Variants in CTNNA3 observed in about 807,000 individuals in gnomAD.
The protein encoded by CTNNA3 is catenin alpha 3, also known as catenin alpha-3.
A neutral mutation model predicts 95.7 loss-of-function variants in CTNNA3; 76 were observed. The ratio of observed to expected loss-of-function variants is 0.79; its 90% CI spans 0.66 to 0.96. The LOEUF is 0.96. Ranked by LOEUF, CTNNA3 falls within the 40% of genes least tolerant of loss-of-function variation. The pLI is 0.00. For missense variants in CTNNA3, 1,191 were observed against 1,089.8 expected (o/e 1.09, Z -1.31); for synonymous variants, 431 against 374.4 (o/e 1.15, Z -1.74).
chr10:66,264,439 T>A (rs1247336909), intron 13 of CTNNA3, among the ~76,000 whole-genome samples: 1 of 152,038 alleles, frequency 6.6e-6, no homozygotes, highest in African/African-American at 2.4e-5. Flanking sequence ...AAGCAACATA[T>A]GTAATTTTTA....
intron 11 of CTNNA3, among the ~76,000 whole-genome samples, chr10:66,459,631 G>A (rs1564984064): frequency 6.6e-6 from 1 of 152,142 alleles, no homozygotes; most frequent in Non-Finnish European, 1.5e-5. Context: ...TTGTCATTGT[G>A]CAAACATCAT....
chr10:66,463,354 C>A (rs1250405038), intron 11 of CTNNA3, among the ~76,000 whole-genome samples: 1 of 152,144 alleles, frequency 6.6e-6, no homozygotes, highest in Admixed American at 6.6e-5. Context: ...CTCCCCTTCA[C>A]CTTCCTCCAC....
At chr10:66,550,879 G>C (rs1842194829) in intron 10 of CTNNA3, among the ~76,000 whole-genome samples, 1 of 151,392 alleles carries the variant, frequency 6.6e-6, no homozygotes, top group Non-Finnish European at 1.5e-5. Flanking sequence ...TTTACTAAGA[G>C]TTAATATTGT....
chr10:66,576,722 T>A (rs1400614158), intron 10 of CTNNA3, among the ~76,000 whole-genome samples: 1 of 152,070 alleles, frequency 6.6e-6, no homozygotes, highest in Non-Finnish European at 1.5e-5. Flanking sequence ...TTTCTTTATC[T>A]GGTCCACTGT....
intron 15 of CTNNA3, among the ~76,000 whole-genome samples, chr10:66,020,477 C>T (rs960509183): frequency 1.3e-5 from 2 of 152,212 alleles, no homozygotes; most frequent in Admixed American, 1.3e-4. Flanking sequence ...ATTCTCAACA[C>T]TCTTCAACCA....
At chr10:67,254,774 A>T (rs919270153) in intron 5 of CTNNA3, among the ~76,000 whole-genome samples, 5 of 152,232 alleles carry the variant, frequency 3.3e-5, no homozygotes, top group Non-Finnish European at 5.9e-5. Context: ...ACAGGTTTGT[A>T]GCCTAGTAGC....
At chr10:66,263,108 G>A (rs1382232105) in intron 13 of CTNNA3, among the ~76,000 whole-genome samples, 1 of 151,988 alleles carries the variant, frequency 6.6e-6, no homozygotes. Context: ...AACACAGGTA[G>A]AGCTGTCTTT....
chr10:65,999,737 T>C (rs368784723), intron 15 of CTNNA3, among the ~76,000 whole-genome samples: 2 of 152,194 alleles, frequency 1.3e-5, no homozygotes, highest in African/African-American at 2.4e-5. Context: ...TTGGGAAATA[T>C]ATTCAAACGT....
intron 2 of CTNNA3, among the ~76,000 whole-genome samples, chr10:67,632,312 T>TTA (rs551582053): frequency 1.7e-3 from 246 of 144,270 alleles, no homozygotes; most frequent in Middle Eastern, 7.1e-3. Flanking sequence ...TTAAATATAT[T>TTA]AAAAAAAAAA....
At chr10:67,579,892 G>T (rs1842317991) in intron 3 of CTNNA3, among the ~76,000 whole-genome samples, 5 of 152,130 alleles carry the variant, frequency 3.3e-5, no homozygotes, top group African/African-American at 7.2e-5. Context: ...CCCATTTTTT[G>T]ATGGGGTTGT....
intron 7 of CTNNA3, among the ~76,000 whole-genome samples, chr10:66,813,123 T>C (rs1321400399): frequency 6.6e-6 from 1 of 152,174 alleles, no homozygotes; most frequent in Non-Finnish European, 1.5e-5. Context: ...GATAAAATGT[T>C]TGCAGGTACA....
chr10:67,742,781 A>T (rs548375695), intron 1 of CTNNA3, among the ~76,000 whole-genome samples: 1 of 151,348 alleles, frequency 6.6e-6, no homozygotes, highest in East Asian at 1.9e-4. Flanking sequence ...GAAAAGAGAG[A>T]AGAATCAAAT....
At chr10:65,949,303 G>A (rs2077572845) in intron 17 of CTNNA3, among the ~76,000 whole-genome samples, 1 of 152,146 alleles carries the variant, frequency 6.6e-6, no homozygotes, top group African/African-American at 2.4e-5. Flanking sequence ...GGCAAGTTAT[G>A]TTCATTTATT....
intron 13 of CTNNA3, among the ~76,000 whole-genome samples, chr10:66,207,116 A>T (rs1205992731): frequency 6.6e-6 from 1 of 151,168 alleles, no homozygotes; most frequent in East Asian, 1.9e-4. Flanking sequence ...AGATTATAAG[A>T]CTAACTAAGG....
At chr10:67,485,643 A>G (rs1466672232) in intron 5 of CTNNA3, among the ~76,000 whole-genome samples, 1 of 152,172 alleles carries the variant, frequency 6.6e-6, no homozygotes, top group African/African-American at 2.4e-5. Flanking sequence ...AATTAAACCC[A>G]ATTTTACTTT....
At chr10:67,516,692 A>G (rs1042653442) in intron 5 of CTNNA3, among the ~76,000 whole-genome samples, 2 of 152,212 alleles carry the variant, frequency 1.3e-5, no homozygotes, top group African/African-American at 4.8e-5. Flanking sequence ...CGTGCTGTTT[A>G]TTAGGTCCCC....
chr10:67,539,523 G>C lies in CTNNA3; in HGVS notation c.439C>G (p.Leu147Val). The C allele has an allele frequency of 6.2e-7, 1 of 1,613,498 alleles. No individual in the cohort carries two copies. The highest frequency in any genetic ancestry group is 8.5e-7 in the Non-Finnish European group (1 of 1,179,594). Reference protein sequence around the residue: ...ILADMIDVMCLLQHVSAFQRT... With the variant: ...ILADMIDVMCVLQHVSAFQRT... ...CTTACAGCTGACACATGTTGCAAGAGGCACATGACATCAATCATGTCCGCA... is the reference window on the plus strand; with the variant it reads ...CTTACAGCTGACACATGTTGCAAGACGCACATGACATCAATCATGTCCGCA... The change falls in exon 4 of 18, where the codon CTC (leucine) becomes GTC (valine). Residue 147 changes from leucine (L) to valine (V), a missense_variant. Transcript: ENST00000433211.
chr10:67,393,197 C>T (rs987070706), intron 5 of CTNNA3, among the ~76,000 whole-genome samples: 3 of 152,084 alleles, frequency 2.0e-5, no homozygotes, highest in Admixed American at 1.3e-4. Flanking sequence ...TCAAAATCTG[C>T]CAACAATACC....
intron 8 of CTNNA3, among the ~76,000 whole-genome samples, chr10:66,768,516 T>C (rs577477733): frequency 9.8e-5 from 15 of 152,322 alleles, no homozygotes; most frequent in African/African-American, 3.6e-4. Flanking sequence ...AATATATCTC[T>C]GTGTTAATGC....
Sources: allele counts gnomAD v4.1 joint callset (sites outside exome capture counted in the v4.1 genomes callset), GRCh38; gene constraint gnomAD v4.1.1; transcripts MANE v1.5; gene names NCBI Gene and HGNC (gene_info 2026-07-23, HGNC 2026-07-21).